FHIT: variants seen among roughly 807,000 people sequenced by gnomAD.
FHIT encodes the protein fragile histidine triad diadenosine triphosphatase, also known as bis(5'-adenosyl)-triphosphatase.
FHIT carries 19 observed loss-of-function variants against 17.9 expected under a neutral mutation model. The ratio of observed to expected loss-of-function variants is 1.06; its 90% CI spans 0.74 to 1.56. The LOEUF is 1.56. Among genes scored for constraint, FHIT ranks in the 40% most tolerant of loss-of-function variants. The probability of loss-of-function intolerance (pLI) is 0.00; values close to 1 mark genes in which losing one functional copy is unlikely to be tolerated. For synonymous variants in FHIT, 81 were observed against 69.7 expected (o/e 1.16, Z -0.81); for missense variants, 248 against 189.2 (o/e 1.31, Z -1.82).
At chr3:60,982,280 G>A (rs537274396) in intron 3 of FHIT, among the ~76,000 whole-genome samples, 1 of 152,322 alleles carries the variant, frequency 6.6e-6, no homozygotes, top group South Asian at 2.1e-4. Context: ...TAAACTCAAA[G>A]TCCACTGCTT....
chr3:60,335,602 T>C (rs1710197137), intron 5 of FHIT, among the ~76,000 whole-genome samples: 2 of 152,200 alleles, frequency 1.3e-5, no homozygotes, highest in South Asian at 4.1e-4. Flanking sequence ...CATTGGGTAC[T>C]TGATACAGGG....
chr3:59,936,138 A>C (rs1706227101), intron 7 of FHIT, among the ~76,000 whole-genome samples: 2 of 152,180 alleles, frequency 1.3e-5, no homozygotes, highest in Admixed American at 1.3e-4. Flanking sequence ...CTTCAGTATT[A>C]ACTTCATTAA....
intron 4 of FHIT, among the ~76,000 whole-genome samples, chr3:60,815,625 G>T (rs1701715082): frequency 6.6e-6 from 1 of 152,088 alleles, no homozygotes; most frequent in African/African-American, 2.4e-5. Context: ...TACTGGTTTG[G>T]TTACTGTAGC....
At chr3:60,302,426 G>GA (rs34318256) in intron 5 of FHIT, among the ~76,000 whole-genome samples, 1 of 151,874 alleles carries the variant, frequency 6.6e-6, no homozygotes, top group African/African-American at 2.4e-5. Flanking sequence ...CATTTATCCC[G>GA]AAAAAGACAA....
chr3:60,051,326 C>CTTTTTTT (rs773498624), intron 5 of FHIT, among the ~76,000 whole-genome samples: 5 of 131,904 alleles, frequency 3.8e-5, no homozygotes, highest in Non-Finnish European at 8.0e-5. Context: ...ATTTAGGATG[C>CTTTTTTT]TTTTTTTTTT....
At chr3:59,754,841 A>G (rs1221450846) in intron 8 of FHIT, among the ~76,000 whole-genome samples, 2 of 152,156 alleles carry the variant, frequency 1.3e-5, no homozygotes, top group Non-Finnish European at 2.9e-5. Context: ...AAGTTATGAG[A>G]TTTCCCTCCT....
chr3:60,175,547 A>G (rs1701631054), intron 5 of FHIT, among the ~76,000 whole-genome samples: 1 of 152,190 alleles, frequency 6.6e-6, no homozygotes, highest in African/African-American at 2.4e-5. Context: ...TACTCAACAT[A>G]ATGACTCTTT....
chr3:60,715,103 C>A (rs2041647345), intron 4 of FHIT, among the ~76,000 whole-genome samples: 1 of 152,032 alleles, frequency 6.6e-6, no homozygotes, highest in African/African-American at 2.4e-5. Context: ...ATCAATGGAA[C>A]AGAACAGAGC....
chr3:61,072,594 C>A (rs2034840516), intron 2 of FHIT, among the ~76,000 whole-genome samples: 1 of 152,030 alleles, frequency 6.6e-6, no homozygotes, highest in South Asian at 2.1e-4. Flanking sequence ...AAAAGTAACA[C>A]CTGAAAGAGG....
intron 8 of FHIT, among the ~76,000 whole-genome samples, chr3:59,879,148 T>A (rs1445165071): frequency 6.6e-6 from 1 of 152,234 alleles, no homozygotes; most frequent in Admixed American, 6.5e-5. Context: ...GATTACTGAT[T>A]ACATCACACA....
intron 3 of FHIT, among the ~76,000 whole-genome samples, chr3:60,931,048 G>C (rs1168595734): frequency 6.6e-6 from 1 of 152,194 alleles, no homozygotes; most frequent in East Asian, 1.9e-4. Context: ...AAATTGATGA[G>C]TTCATGTCCT....
chr3:60,663,684 G>A (rs1322981003), intron 4 of FHIT, among the ~76,000 whole-genome samples: 2 of 152,098 alleles, frequency 1.3e-5, no homozygotes, highest in Non-Finnish European at 2.9e-5. Flanking sequence ...CTCTCAAAGT[G>A]CAGGGATTAC....
chr3:60,133,403 G>A (rs1699680830), intron 5 of FHIT, among the ~76,000 whole-genome samples: 1 of 152,156 alleles, frequency 6.6e-6, no homozygotes, highest in African/African-American at 2.4e-5. Context: ...CTCCTGCCTG[G>A]AGGGGTAGAG....
chr3:60,393,569 C>T (rs1220255920), intron 5 of FHIT, among the ~76,000 whole-genome samples: 1 of 152,104 alleles, frequency 6.6e-6, no homozygotes, highest in African/African-American at 2.4e-5. Context: ...CTTCCTCACA[C>T]ACTGTGGAGT....
intron 8 of FHIT, among the ~76,000 whole-genome samples, chr3:59,820,283 G>A (rs1233500379): frequency 6.6e-6 from 1 of 152,128 alleles, no homozygotes; most frequent in Non-Finnish European, 1.5e-5. Context: ...GGTAATCTTC[G>A]GCAAATGATC....
intron 4 of FHIT, among the ~76,000 whole-genome samples, chr3:60,627,812 G>T (rs1287071875): frequency 5.3e-5 from 8 of 152,330 alleles, no homozygotes; most frequent in African/African-American, 1.9e-4. Flanking sequence ...GTGAGCCACT[G>T]CGCCTGGCCA....
At chr3:60,669,941 G>A (rs1442062879) in intron 4 of FHIT, among the ~76,000 whole-genome samples, 2 of 152,190 alleles carry the variant, frequency 1.3e-5, no homozygotes, top group Admixed American at 1.3e-4. Flanking sequence ...GTTATCAATT[G>A]GCTTGGTCTT....
At chr3:59,792,462 T>C (rs1218010320) in intron 8 of FHIT, among the ~76,000 whole-genome samples, 2 of 152,124 alleles carry the variant, frequency 1.3e-5, no homozygotes, top group Admixed American at 1.3e-4. Flanking sequence ...ATGAGAAGCT[T>C]AGGAATCACC....
At chr3:59,903,253 T>C (rs944500840) in intron 8 of FHIT, among the ~76,000 whole-genome samples, 2 of 151,930 alleles carry the variant, frequency 1.3e-5, no homozygotes, top group Non-Finnish European at 2.9e-5. Flanking sequence ...AGACAGAAAG[T>C]AGATTAGTAG....
Sources: gnomAD v4.1 joint callset for allele counts (sites outside exome capture counted in the v4.1 genomes callset) on GRCh38, gnomAD v4.1.1 for gene constraint, MANE v1.5 for transcripts, NCBI Gene and HGNC (gene_info 2026-07-23, HGNC 2026-07-21) for gene names.